Variants in MAML3 observed in about 807,000 individuals in gnomAD.
The protein encoded by MAML3 is mastermind like transcriptional coactivator 3.
In MAML3, 27 loss-of-function variants were observed where a neutral mutation model predicts 101.9. The observed-to-expected ratio is 0.27, with a 90% CI of 0.20 to 0.37. The LOEUF (loss-of-function observed/expected upper bound fraction) is 0.37. Ranked by LOEUF, MAML3 falls within the 10% of genes least tolerant of loss-of-function variation. The pLI, the probability that MAML3 is intolerant of heterozygous loss-of-function variation, is 1.00. For missense variants in MAML3, 1,316 were observed against 1,444.9 expected (o/e 0.91, Z 1.45); for synonymous variants, 501 against 555.9 (o/e 0.90, Z 1.39).
chr4:139,839,469 ATTTT>A (rs5862438), intron 2 of MAML3, among the ~76,000 whole-genome samples: 3 of 146,184 alleles, frequency 2.1e-5, no homozygotes, highest in Admixed American at 6.8e-5. Context: ...AGTCCAACAG[ATTTT>A]TTTTTTTTTT....
In MAML3 at chr4:139,924,372, T is replaced by C. The variant is rs529951672; in HGVS notation, c.469-33405A>G. 1.6e-4 allele frequency among the ~76,000 whole-genome samples: 25 copies of C among 152,356 alleles called. No homozygotes were observed. In the South Asian group the frequency reaches 4.6e-3, roughly 28 times the overall value. On this transcript the variant is annotated intron_variant, in intron 1 of 4. Coordinates refer to ENST00000509479, the MANE Select transcript of MAML3 (RefSeq NM_018717.5). The stretch of plus-strand genomic sequence containing the variant: ...CTTTTTTGTGTGTACATTAAGAAGG[T>C]ATTTTACCCTCAAATATATAAAGAA...
intron 2 of MAML3, among the ~76,000 whole-genome samples, chr4:139,756,323 T>G (rs1729650134): frequency 6.6e-6 from 1 of 152,208 alleles, no homozygotes; most frequent in South Asian, 2.1e-4. Context: ...TTGAATAAAA[T>G]GGATCTTTAA....
intron 1 of MAML3, among the ~76,000 whole-genome samples, chr4:140,091,818 G>A (rs61222911): frequency 6.6e-6 from 1 of 151,928 alleles, no homozygotes. Context: ...AAGCAGGGCA[G>A]ACCCAGGCTA....
At chr4:139,725,660 A>G (rs886969171) in intron 4 of MAML3, 91 bp downstream of exon 4, 1 of 1,257,662 alleles carries the variant, frequency 8.0e-7, no homozygotes, top group Non-Finnish European at 1.2e-6. Context: ...CTGGACACAA[A>G]TACAGCCAGT....
intron 2 of MAML3, among the ~76,000 whole-genome samples, chr4:139,766,322 C>G (rs1376694664): frequency 2.0e-5 from 3 of 152,170 alleles, no homozygotes; most frequent in African/African-American, 7.2e-5. Flanking sequence ...CAGGCGCCCA[C>G]CACCATGCCC....
At chr4:140,078,183 G>C (rs954756085) in intron 1 of MAML3, among the ~76,000 whole-genome samples, 23 of 152,048 alleles carry the variant, frequency 1.5e-4, no homozygotes, top group African/African-American at 5.1e-4. Flanking sequence ...GGGATAAAAA[G>C]TATAGGCAAA....
intron 2 of MAML3, among the ~76,000 whole-genome samples, chr4:139,786,577 T>C (rs1333045977): frequency 1.3e-5 from 2 of 152,166 alleles, no homozygotes; most frequent in East Asian, 1.9e-4. Context: ...ACTGAGAAAA[T>C]GCTGTGAAGG....
chr4:139,997,050 C>T (rs183721146), intron 1 of MAML3, among the ~76,000 whole-genome samples: 26 of 150,128 alleles, frequency 1.7e-4, no homozygotes, highest in Admixed American at 2.7e-4. Context: ...AGCAAGACTC[C>T]GTCTCAAGAA....
At chr4:140,074,162 G>A (rs1367307970) in intron 1 of MAML3, among the ~76,000 whole-genome samples, 4 of 91,240 alleles carry the variant, frequency 4.4e-5, no homozygotes, top group Non-Finnish European at 9.7e-5. Flanking sequence ...AAGAGAGAGA[G>A]AAAGGAAAGA....
chr4:140,128,152 T>A (rs1289719042), intron 1 of MAML3: 1 of 152,292 alleles, frequency 6.6e-6, no homozygotes, highest in Non-Finnish European at 1.5e-5. Flanking sequence ...TCCTCTCTGG[T>A]TTGCTCCAAA....
At chr4:140,011,469 C>T (rs1425776780) in intron 1 of MAML3, among the ~76,000 whole-genome samples, 2 of 147,526 alleles carry the variant, frequency 1.4e-5, no homozygotes, top group Admixed American at 6.8e-5. Context: ...CTCAGCCTCC[C>T]GAGTAGCTGG....
At chr4:140,078,746 C>A (rs556630227) in intron 1 of MAML3, among the ~76,000 whole-genome samples, 102 of 152,250 alleles carry the variant, frequency 6.7e-4, no homozygotes, top group African/African-American at 2.3e-3. Context: ...GTCTCCAGCT[C>A]CCATTGCCAG....
rs1560843520 is a variant in MAML3 at position 139,941,545 on chromosome 4, G to GTTGT, written c.469-50579_469-50578insACAA. On this transcript the variant is annotated intron_variant, in intron 1 of 4. Transcript: ENST00000509479. ...TAATGTGTTGTTGTTGTTGTTGTTG[G>GTTGT]TGGTGGTGGTGGTGGTGGTGGTATT... Among the ~76,000 whole-genome samples, 258 of 143,542 alleles carry GTTGT rather than the reference G, an allele frequency of 1.8e-3. 3 individuals carry two copies. The highest frequency in any genetic ancestry group is 1.6e-3 in the Non-Finnish European group (107 of 67,084). 94.2% of individuals were successfully genotyped at this position (143,542 alleles called of 152,430 possible). A position where few individuals can be genotyped will look rare whatever the true frequency, so the allele number is the denominator to read the frequency against.
chr4:139,949,078 C>G (rs1259451285), intron 1 of MAML3, among the ~76,000 whole-genome samples: 1 of 152,004 alleles, frequency 6.6e-6, no homozygotes, highest in Non-Finnish European at 1.5e-5. Flanking sequence ...TGCAGTGGCG[C>G]GATCTCGGCT....
chr4:139,779,255 A>G (rs1329763992), intron 2 of MAML3, among the ~76,000 whole-genome samples: 1 of 152,140 alleles, frequency 6.6e-6, no homozygotes, highest in Admixed American at 6.6e-5. Flanking sequence ...GGGGCTCTAT[A>G]AATGCTAATG....
At chr4:140,151,895 T>C (rs951051980) in intron 1 of MAML3, among the ~76,000 whole-genome samples, 2 of 152,194 alleles carry the variant, frequency 1.3e-5, no homozygotes. Flanking sequence ...AAGCCTCTTT[T>C]ACCTCCCTGC....
intron 1 of MAML3, among the ~76,000 whole-genome samples, chr4:140,107,919 G>T (rs1262835787): frequency 6.7e-6 from 1 of 150,366 alleles, no homozygotes; most frequent in Non-Finnish European, 1.5e-5. Context: ...GAACAAAAAA[G>T]AAATGGGGGA....
intron 1 of MAML3, among the ~76,000 whole-genome samples, chr4:139,989,792 C>T (rs1025773587): frequency 6.6e-6 from 1 of 151,416 alleles, no homozygotes; most frequent in Admixed American, 6.6e-5. Context: ...CAATTTTATT[C>T]ATCCAGTCTC....
rs1840539 is a variant in MAML3 at position 139,872,821 on chromosome 4, T to A, written c.2079+16536A>T. ...GGCCGGGCACAGTGGTTCATGCCTGTAATCCCAGCACTTTGGGAGGCTGAG... is the reference window on the plus strand; with the variant it reads ...GGCCGGGCACAGTGGTTCATGCCTGAAATCCCAGCACTTTGGGAGGCTGAG... On this transcript the variant is annotated intron_variant, in intron 2 of 4. Coordinates refer to ENST00000509479, the MANE Select transcript of MAML3 (RefSeq NM_018717.5). Among the ~76,000 whole-genome samples the A allele has an allele frequency of 2.3e-3, 353 of 152,258 alleles. 2 individuals are homozygous for A. Among genetic ancestry groups the A allele is most frequent in the African/African-American group, 8.1e-3 (336 of 41,538 alleles).
Sources: gnomAD v4.1 joint callset for allele counts (sites outside exome capture counted in the v4.1 genomes callset) on GRCh38, gnomAD v4.1.1 for gene constraint, MANE v1.5 for transcripts, NCBI Gene and HGNC (gene_info 2026-07-23, HGNC 2026-07-21) for gene names.